Variants in CSMD1 observed in about 807,000 individuals in gnomAD.
The protein encoded by CSMD1 is CUB and Sushi multiple domains 1.
A neutral mutation model predicts 417.5 loss-of-function variants in CSMD1; 213 were observed. The observed-to-expected ratio is 0.51, with a 90% CI of 0.46 to 0.57. CSMD1 has a LOEUF of 0.57. Ranked by LOEUF, CSMD1 falls within the 20% of genes least tolerant of loss-of-function variation. The pLI, the probability that CSMD1 is intolerant of heterozygous loss-of-function variation, is 0.00. For synonymous variants in CSMD1, 2,862 were observed against 1,736.8 expected (o/e 1.65, Z -16.11); for missense variants, 6,923 against 4,529.7 (o/e 1.53, Z -15.17).
At chr8:4,387,730 G>T (rs151193259) in intron 3 of CSMD1, among the ~76,000 whole-genome samples, 33 of 152,156 alleles carry the variant, frequency 2.2e-4, no homozygotes, top group African/African-American at 7.5e-4. Context: ...AGCTAAAATA[G>T]ACATATTTCT....
chr8:3,451,499 G>A (rs1438129291), intron 12 of CSMD1, among the ~76,000 whole-genome samples: 1 of 152,188 alleles, frequency 6.6e-6, no homozygotes, highest in Non-Finnish European at 1.5e-5. Flanking sequence ...TGTATAAGGT[G>A]TAAGGAAGGG....
At chr8:3,461,765 T>G (rs1816520322) in intron 12 of CSMD1, among the ~76,000 whole-genome samples, 1 of 152,140 alleles carries the variant, frequency 6.6e-6, no homozygotes, top group South Asian at 2.1e-4. Context: ...TACAGATGAG[T>G]GGGACGATTT....
rs1428310521 is a variant in CSMD1 at position 4,107,916 on chromosome 8, AT to A, written c.416-75818del. ...CTAAATACAAACTGAAACAAATAAC[AT>A]TTTCGTCAAAGTTTTGCCCCCTACG... On this transcript the variant is annotated intron_variant, in intron 3 of 69. Transcript: ENST00000635120. 1.2e-4 allele frequency among the ~76,000 whole-genome samples: 19 copies of A among 152,232 alleles called. 1 individual carries two copies. The highest frequency in any genetic ancestry group is 8.5e-4 in the Admixed American group (13 of 15,292).
At chr8:3,661,068 G>A (rs1420941883) in intron 7 of CSMD1, among the ~76,000 whole-genome samples, 1 of 152,162 alleles carries the variant, frequency 6.6e-6, no homozygotes, top group African/African-American at 2.4e-5. Context: ...GCTCAGAGAA[G>A]GAGAAAACAA....
At chr8:3,384,574 G>A (rs893067056) in intron 18 of CSMD1, among the ~76,000 whole-genome samples, 2 of 148,222 alleles carry the variant, frequency 1.3e-5, no homozygotes, top group Non-Finnish European at 1.5e-5. Flanking sequence ...AATATATTTC[G>A]TATCCATTTG....
intron 31 of CSMD1, among the ~76,000 whole-genome samples, chr8:3,203,568 C>G (rs1585644343): frequency 6.6e-6 from 1 of 151,996 alleles, no homozygotes; most frequent in Admixed American, 6.6e-5. Flanking sequence ...AAAATGGTGG[C>G]GGGGACAAAT....
chr8:3,200,062 A>T (rs1362829170), intron 32 of CSMD1, among the ~76,000 whole-genome samples: 1 of 152,172 alleles, frequency 6.6e-6, no homozygotes, highest in Admixed American at 6.5e-5. Flanking sequence ...TTTTGAAGAA[A>T]GCACCAATGG....
At chr8:3,006,175 G>T (rs1369855132) in intron 52 of CSMD1, among the ~76,000 whole-genome samples, 1 of 151,644 alleles carries the variant, frequency 6.6e-6, no homozygotes, top group East Asian at 1.9e-4. Context: ...ATTCACAATT[G>T]CTTCAAAGAG....
intron 3 of CSMD1, among the ~76,000 whole-genome samples, chr8:4,299,012 C>T (rs1045883135): frequency 2.6e-5 from 4 of 151,816 alleles, no homozygotes; most frequent in Middle Eastern, 3.2e-3. Context: ...TTAAATTTGC[C>T]ATTTAAAAAG....
intron 37 of CSMD1, among the ~76,000 whole-genome samples, chr8:3,166,000 T>C (rs1585531604): frequency 6.6e-6 from 1 of 152,206 alleles, no homozygotes; most frequent in Admixed American, 6.5e-5. Context: ...GATGAATTTT[T>C]GGTACAGAAA....
At chr8:3,839,767 G>A (rs142091530) in intron 5 of CSMD1, among the ~76,000 whole-genome samples, 1 of 151,316 alleles carries the variant, frequency 6.6e-6, no homozygotes, top group Non-Finnish European at 1.5e-5. Flanking sequence ...CCACTGCTCA[G>A]AGAGTTTATA....
intron 5 of CSMD1, among the ~76,000 whole-genome samples, chr8:3,885,796 C>G (rs534861614): frequency 3.3e-5 from 5 of 152,156 alleles, no homozygotes; most frequent in Non-Finnish European, 7.3e-5. Flanking sequence ...AGCTGACTTT[C>G]TTAAACAATC....
At chr8:4,652,618 C>T (rs189842609) in intron 1 of CSMD1, among the ~76,000 whole-genome samples, 1 of 151,792 alleles carries the variant, frequency 6.6e-6, no homozygotes, top group Non-Finnish European at 1.5e-5. Flanking sequence ...AGCCATTGCA[C>T]CACAGCCTGG....
intron 5 of CSMD1, among the ~76,000 whole-genome samples, chr8:3,755,544 G>C (rs111379611): frequency 6.6e-6 from 1 of 152,120 alleles, no homozygotes; most frequent in Non-Finnish European, 1.5e-5. Flanking sequence ...GCCTGTGAGC[G>C]CCGCAGCTGC....
intron 1 of CSMD1, among the ~76,000 whole-genome samples, chr8:4,859,283 T>G (rs1801988550): frequency 6.6e-6 from 1 of 152,096 alleles, no homozygotes; most frequent in Admixed American, 6.5e-5. Flanking sequence ...GATTAAAGAC[T>G]TAAACGTTAG....
At chr8:3,119,366 G>GT (rs1296574062) in intron 41 of CSMD1, among the ~76,000 whole-genome samples, 4 of 73,558 alleles carry the variant, frequency 5.4e-5, no homozygotes, top group South Asian at 9.0e-4. Context: ...ATCCATTGCA[G>GT]TTTTTTTAGT....
intron 3 of CSMD1, among the ~76,000 whole-genome samples, chr8:4,208,559 C>T (rs1348119325): frequency 6.6e-6 from 1 of 152,182 alleles, no homozygotes; most frequent in Non-Finnish European, 1.5e-5. Flanking sequence ...ATCAGATTGA[C>T]TTGACTCATT....
chr8:4,078,983 T>C (rs1296005467), intron 3 of CSMD1, among the ~76,000 whole-genome samples: 1 of 147,944 alleles, frequency 6.8e-6, no homozygotes, highest in Non-Finnish European at 1.5e-5. Flanking sequence ...TTTCCCACAA[T>C]GTTGCATTAA....
chr8:4,899,839 T>C (rs1225882570), intron 1 of CSMD1, among the ~76,000 whole-genome samples: 2 of 152,184 alleles, frequency 1.3e-5, no homozygotes, highest in African/African-American at 2.4e-5. Flanking sequence ...TAAGCAGGTC[T>C]TGCAGATAGC....
Sources: gnomAD v4.1 joint callset for allele counts (sites outside exome capture counted in the v4.1 genomes callset) on GRCh38, gnomAD v4.1.1 for gene constraint, MANE v1.5 for transcripts, NCBI Gene and HGNC (gene_info 2026-07-23, HGNC 2026-07-21) for gene names.